TRIM34: variants seen among roughly 807,000 people sequenced by gnomAD.
The protein encoded by TRIM34 is tripartite motif containing 34, also known as E3 ubiquitin-protein ligase TRIM34.
A neutral mutation model predicts 38.1 loss-of-function variants in TRIM34; 41 were observed. The observed-to-expected ratio is 1.08, with a 90% CI of 0.84 to 1.40. The LOEUF is 1.40. Among genes scored for constraint, TRIM34 ranks in the 40% most tolerant of loss-of-function variants. The pLI is 0.00. For missense variants in TRIM34, 556 were observed against 571.4 expected (o/e 0.97, Z 0.27); for synonymous variants, 200 against 202.5 (o/e 0.99, Z 0.10).
At chr11:5,642,346 G>T in intron 5 of TRIM34, 60 bp from the exon 6 acceptor site, 1 of 1,478,164 alleles carries the variant, frequency 6.8e-7, no homozygotes, top group South Asian at 1.2e-5. Flanking sequence ...AACCAGTGAT[G>T]TGGGAGGGAT....
chr11:5,634,803 G>C lies in TRIM34; in HGVS notation c.692G>C (p.Arg231Thr). 6.2e-7 allele frequency: 1 copy of C among 1,613,822 alleles called. No individual in the cohort carries two copies. Among genetic ancestry groups the C allele is most frequent in the Non-Finnish European group, 8.5e-7 (1 of 1,179,812 alleles). Residue 231 changes from arginine to threonine, a missense_variant, in exon 4 of 8, where the codon AGA becomes ACA. Coordinates refer to ENST00000429814, the MANE Select transcript of TRIM34 (RefSeq NM_021616.6). ...DELVQQKQLV[R>T]ELISDVECRS... ...CTAGTTCAGCAGAAGCAGTTGGTGA[G>C]AGAGCTCATCTCAGATGTGGAGTGT...
intron 2 of TRIM34, 111 bp from the exon 3 acceptor site, chr11:5,633,693 T>C: frequency 9.5e-7 from 1 of 1,048,214 alleles, no homozygotes; most frequent in Non-Finnish European, 1.3e-6. Context: ...AGCTTCACAG[T>C]TTCTGTAAAT....
Position 5,632,570 on chromosome 11 carries a change from G to A in TRIM34, c.239G>A (p.Arg80Lys). 1 of 1,613,832 alleles carries A rather than the reference G, an allele frequency of 6.2e-7. No individual in the cohort carries two copies. The highest frequency in any genetic ancestry group is 8.5e-7 in the Non-Finnish European group (1 of 1,179,982). The change falls in exon 2 of 8, where the codon AGA (arginine) becomes AAA (lysine). Residue 80 changes from arginine to lysine, a missense_variant. Coordinates refer to ENST00000429814, the MANE Select transcript of TRIM34 (RefSeq NM_021616.6). ...ANQHLANIVERLKEVKLSPDN... is the reference protein window; with the variant it reads ...ANQHLANIVEKLKEVKLSPDN... ...CAGCATCTGGCCAACATAGTGGAGA[G>A]ACTCAAGGAGGTCAAGTTGAGCCCA...
upstream of TRIM34, among the ~76,000 whole-genome samples, chr11:5,621,181 A>G (rs927775554): frequency 2.0e-5 from 3 of 152,194 alleles, no homozygotes; most frequent in African/African-American, 7.2e-5. Context: ...GAGGCTCTGG[A>G]TCACTCCAGG....
chr11:5,624,487 G>A (rs1250048269), upstream of TRIM34, among the ~76,000 whole-genome samples: 2 of 152,146 alleles, frequency 1.3e-5, no homozygotes, highest in African/African-American at 4.8e-5. Context: ...GGAGCTGAAG[G>A]ATAATTCAAA....
intron 1 of TRIM34, among the ~76,000 whole-genome samples, chr11:5,629,669 A>G (rs1319357615): frequency 6.6e-6 from 1 of 152,218 alleles, no homozygotes; most frequent in Non-Finnish European, 1.5e-5. Flanking sequence ...TAGCATGCAG[A>G]CAGGGCCGCT....
intron 6 of TRIM34, 107 bp downstream of exon 6, chr11:5,642,613 G>A (rs1174924926): frequency 3.6e-6 from 5 of 1,393,872 alleles, no homozygotes; most frequent in Admixed American, 2.5e-5. Flanking sequence ...GAGGAGGGAG[G>A]TCAGAGAATA....
At chr11:5,625,905 G>A (rs1210051876) in intron 1 of TRIM34, among the ~76,000 whole-genome samples, 3 of 152,198 alleles carry the variant, frequency 2.0e-5, no homozygotes, top group Non-Finnish European at 4.4e-5. Flanking sequence ...CTTAACAGAA[G>A]TTGTTCATTG....
At position 5,632,627 on chromosome 11, in the gene TRIM34, A is replaced by C; in HGVS notation, c.296A>C (p.His99Pro). 6.2e-7 allele frequency: 1 copy of C among 1,613,450 alleles called. No individual in the cohort carries two copies. Among genetic ancestry groups the C allele is most frequent in the Non-Finnish European group, 8.5e-7 (1 of 1,179,874 alleles). ...GGGAAGAAGAGAGATCTCTGTGATCATCATGGAGAGAAACTCCTACTCTTC... is the reference window on the plus strand; with the variant it reads ...GGGAAGAAGAGAGATCTCTGTGATCCTCATGGAGAGAAACTCCTACTCTTC... ...DNGKKRDLCD[H>P]HGEKLLLFCK... The change falls in exon 2 of 8, where the codon CAT becomes CCT. Residue 99 changes from histidine to proline, a missense_variant. Coordinates refer to ENST00000429814, the MANE Select transcript of TRIM34 (RefSeq NM_021616.6).
In TRIM34 at chr11:5,632,553, G is replaced by A; in HGVS notation, c.222G>A (p.Leu74=). 1.2e-6 allele frequency: 2 copies of A among 1,613,886 alleles called. No homozygotes were observed. The highest frequency in any genetic ancestry group is 1.7e-6 in the Non-Finnish European group (2 of 1,179,982). The change falls in exon 2 of 8, where the codon CTG becomes CTA. Residue 74 remains leucine (L), a synonymous_variant. Coordinates refer to ENST00000429814, the MANE Select transcript of TRIM34 (RefSeq NM_021616.6). The part of the protein sequence containing the change: ...SFEHLQANQH[L]ANIVERLKEV... Reference sequence around the variant, plus strand: ...AACATCTACAGGCTAATCAGCATCTGGCCAACATAGTGGAGAGACTCAAGG... The same window carrying A: ...AACATCTACAGGCTAATCAGCATCTAGCCAACATAGTGGAGAGACTCAAGG...
intron 1 of TRIM34, among the ~76,000 whole-genome samples, chr11:5,625,391 T>C (rs776456282): frequency 6.6e-6 from 1 of 152,176 alleles, no homozygotes; most frequent in Non-Finnish European, 1.5e-5. Context: ...TCTCTCTCTT[T>C]CTCTCTCTCA....
In TRIM34 at chr11:5,643,609, T is replaced by C. The variant is rs1272512801; in HGVS notation, c.1367T>C (p.Ile456Thr). The part of the protein sequence containing the change: ...FFNVTSHGSL[I>T]YKFSKCCFSQ... ...AATGTCACAAGCCATGGCTCCCTCA[T>C]TTACAAGTTCTCTAAATGTTGCTTT... Residue 456 changes from isoleucine (I) to threonine (T), a missense_variant, in exon 8 of 8, where the codon ATT becomes ACT. By Grantham distance (89) the Ile-to-Thr change is moderately conservative. Coordinates refer to ENST00000429814, the MANE Select transcript of TRIM34 (RefSeq NM_021616.6). 1 of 1,614,026 alleles carries C rather than the reference T, an allele frequency of 6.2e-7. No homozygotes were observed. Among genetic ancestry groups the C allele is most frequent in the Non-Finnish European group, 8.5e-7 (1 of 1,180,004 alleles).
intron 6 of TRIM34, 21 bp from the exon 7 acceptor site, chr11:5,642,796 C>G: frequency 6.2e-7 from 1 of 1,613,874 alleles, no homozygotes; most frequent in Non-Finnish European, 8.5e-7. Context: ...ATCAGCATCA[C>G]TGAATCTTTT....
chr11:5,634,953 T>C (rs1849669570), intron 4 of TRIM34, 92 bp downstream of exon 4: 2 of 1,416,116 alleles, frequency 1.4e-6, no homozygotes, highest in Non-Finnish European at 1.9e-6. Context: ...AAGGGGTTTC[T>C]TTGGCCTTGC....
chr11:5,644,101 TGTCAGTGTGTTGCTCAGGATACCCC>T lies in TRIM34; in HGVS notation c.*393_*417del. 2.5e-6 allele frequency: 1 copy of T among 408,094 alleles called. No individual in the cohort carries two copies. Among genetic ancestry groups the T allele is most frequent in the Admixed American group, 4.1e-5 (1 of 24,132 alleles). The allele number at this position is 408,094 out of a possible 1,614,324, so 25.3% of individuals were successfully genotyped here. A position where few individuals can be genotyped will look rare whatever the true frequency, so the allele number is the denominator to read the frequency against. ...ATCAACTAAAGGTTCTTGGAGGGTA[TGTCAGTGTGTTGCTCAGGATACCCC>T]AGGTACATCAAGGAATCAAGGAGAG... On this transcript the variant is annotated 3_prime_UTR_variant, in exon 8 of 8. Coordinates refer to ENST00000429814, the MANE Select transcript of TRIM34 (RefSeq NM_021616.6).
chr11:5,629,544 A>T (rs1315217005), intron 1 of TRIM34, among the ~76,000 whole-genome samples: 2 of 152,090 alleles, frequency 1.3e-5, no homozygotes, highest in East Asian at 3.9e-4. Context: ...TTGTATCATC[A>T]TGCCACTACT....
Position 5,643,124 on chromosome 11 carries a change from TA to T in TRIM34, c.902-19del, listed in dbSNP as rs1481352268. ...GATTATATTCATATACATATATATA[TA>T]TTTTTTTTTTTCTTGCAGTGGATGT... On this transcript the variant is annotated intron_variant, in intron 7 of 7. Transcript: ENST00000429814. 15 of 1,133,108 alleles carry T rather than the reference TA, an allele frequency of 1.3e-5. No individual in the cohort carries two copies. In the African/African-American group the frequency reaches 1.9e-4, roughly 14 times the overall value. The allele number at this position is 1,133,108 out of a possible 1,614,324, so 70.2% of individuals were successfully genotyped here.
In TRIM34 at chr11:5,633,706, C is replaced by CT. The variant is rs1371997221; in HGVS notation, c.424-92dup. 11 of 1,294,424 alleles carry CT rather than the reference C, an allele frequency of 8.5e-6. No homozygotes were observed. The Middle Eastern group carries it at 7.6e-4, about 89-fold the overall frequency. 80.2% of individuals were successfully genotyped at this position (1,294,424 alleles called of 1,614,324 possible). On this transcript the variant is annotated intron_variant, in intron 2 of 7. Transcript: ENST00000429814. ...CCAGCTTCACAGTTTCTGTAAATTG[C>CT]TTTTTTCTGGGATCAACTTGATTTT...
In TRIM34 at chr11:5,643,224, A is replaced by G; in HGVS notation, c.982A>G (p.Ile328Val). ...EDQRQVISVP[I>V]WPFQCYNYGV... ...TCAGAGACAAGTGATATCTGTGCCA[A>G]TTTGGCCTTTTCAGTGTTATAATTA... The change falls in exon 8 of 8, where the codon ATT becomes GTT. Residue 328 changes from isoleucine to valine, a missense_variant. Physicochemically the swap from Ile to Val is conservative, Grantham distance 29. Coordinates refer to ENST00000429814, the MANE Select transcript of TRIM34 (RefSeq NM_021616.6). The G allele has an allele frequency of 6.2e-7, 1 of 1,613,468 alleles. No homozygotes were observed. Among genetic ancestry groups the G allele is most frequent in the Non-Finnish European group, 8.5e-7 (1 of 1,179,864 alleles).
Sources: gnomAD v4.1 joint callset for allele counts (sites outside exome capture counted in the v4.1 genomes callset) on GRCh38, gnomAD v4.1.1 for gene constraint, MANE v1.5 for transcripts, NCBI Gene and HGNC (gene_info 2026-07-23, HGNC 2026-07-21) for gene names.